MICAL2: variants seen among roughly 807,000 people sequenced by gnomAD.
The protein encoded by MICAL2 is [F-actin]-monooxygenase MICAL2.
A neutral mutation model predicts 127.3 loss-of-function variants in MICAL2; 77 were observed. The ratio of observed to expected loss-of-function variants is 0.60; its 90% CI spans 0.50 to 0.73. The LOEUF is 0.73. Among genes scored for constraint, MICAL2 ranks in the 30% least tolerant of loss-of-function variants. The pLI, the probability that MICAL2 is intolerant of heterozygous loss-of-function variation, is 0.00. For missense variants in MICAL2, 1,351 were observed against 1,434.4 expected (o/e 0.94, Z 0.94); for synonymous variants, 570 against 551.1 (o/e 1.03, Z -0.48).
downstream of MICAL2, among the ~76,000 whole-genome samples, chr11:12,291,441 GC>G (rs1863898436): frequency 6.6e-6 from 1 of 152,088 alleles, no homozygotes; most frequent in Non-Finnish European, 1.5e-5. Context: ...GATGATCTCA[GC>G]CCCCCACAGC....
chr11:12,286,410 CATGA>C (rs773533521), intron 2 of MICAL2, among the ~76,000 whole-genome samples: 5 of 152,176 alleles, frequency 3.3e-5, no homozygotes, highest in Non-Finnish European at 5.9e-5. Context: ...ACTGTTCTGA[CATGA>C]ATGAATATGT....
chr11:12,221,246 G>T (rs1856784032), intron 9 of MICAL2, among the ~76,000 whole-genome samples: 1 of 152,082 alleles, frequency 6.6e-6, no homozygotes, highest in Non-Finnish European at 1.5e-5. Context: ...CTTCCATCAG[G>T]CGCCAGCATT....
chr11:12,352,005 C>G (rs1012008664), intron 33 of MICAL2, among the ~76,000 whole-genome samples: 4 of 152,076 alleles, frequency 2.6e-5, no homozygotes, highest in Admixed American at 2.0e-4. Flanking sequence ...CCAGGCTGGT[C>G]TCGAACTCCT....
chr11:12,230,516 G>A (rs1040795514), intron 15 of MICAL2, among the ~76,000 whole-genome samples: 1 of 152,114 alleles, frequency 6.6e-6, no homozygotes, highest in African/African-American at 2.4e-5. Flanking sequence ...AGGTGCATCC[G>A]TATTTGACCT....
At chr11:12,165,579 C>A (rs1855405695) in intron 3 of MICAL2, among the ~76,000 whole-genome samples, 1 of 152,234 alleles carries the variant, frequency 6.6e-6, no homozygotes, top group South Asian at 2.1e-4. Context: ...TCAGCCAGAA[C>A]CCCGACCTTT....
At chr11:12,303,151 A>AC in intron 29 of MICAL2, among the ~76,000 whole-genome samples, 1 of 152,262 alleles carries the variant, frequency 6.6e-6, no homozygotes, top group South Asian at 2.1e-4. Context: ...ACCAGGTCCC[A>AC]CCCTTGATAC....
intron 21 of MICAL2, 76 bp from the exon 22 acceptor site, chr11:12,249,108 T>C (rs1861172854): frequency 1.3e-6 from 2 of 1,595,050 alleles, no homozygotes; most frequent in African/African-American, 1.3e-5. Flanking sequence ...GTAAAGCTTC[T>C]CTTTCCCCAG....
intron 1 of MICAL2, among the ~76,000 whole-genome samples, chr11:12,132,181 C>T (rs550660644): frequency 1.3e-5 from 2 of 152,300 alleles, no homozygotes; most frequent in East Asian, 1.9e-4. Context: ...TTTTAATGTT[C>T]CTCGCAGTCC....
chr11:12,172,039 A>G lies in MICAL2; in HGVS notation c.264+9620A>G, dbSNP rs117029136. ...CACACATCAAGTGCTTACTAGCCAC[A>G]TGTGGCTAGCGGCTGTCAAATTGGA... On this transcript the variant is annotated intron_variant, in intron 3 of 27. Transcript: ENST00000683283. Among the ~76,000 whole-genome samples, 550 of 152,318 alleles carry G rather than the reference A, an allele frequency of 3.6e-3. 9 individuals are homozygous for G. The East Asian group carries it at 0.077, about 21-fold the overall frequency.
At chr11:12,168,529 A>G (rs180997080) in intron 3 of MICAL2, among the ~76,000 whole-genome samples, 81 of 151,866 alleles carry the variant, frequency 5.3e-4, no homozygotes, top group Non-Finnish European at 6.9e-4. Context: ...CCACACACAC[A>G]CTACACACAT....
intron 3 of MICAL2, among the ~76,000 whole-genome samples, chr11:12,164,863 C>T (rs934742089): frequency 5.9e-5 from 9 of 152,096 alleles, no homozygotes; most frequent in East Asian, 1.9e-4. Flanking sequence ...GGCTGGGCGT[C>T]GCGGCTCACG....
intron 32 of MICAL2, among the ~76,000 whole-genome samples, chr11:12,338,039 A>T (rs564759885): frequency 9.2e-5 from 14 of 152,228 alleles, no homozygotes; most frequent in African/African-American, 3.1e-4. Flanking sequence ...GATCTGTCTA[A>T]TGTTGACAGT....
intron 32 of MICAL2, among the ~76,000 whole-genome samples, chr11:12,335,357 T>A (rs1938729478): frequency 6.6e-6 from 1 of 150,514 alleles, no homozygotes; most frequent in Non-Finnish European, 1.5e-5. Context: ...ATATTAGCCC[T>A]TTGTCAGATG....
chr11:12,250,735 T>TA (rs35461986), intron 22 of MICAL2, among the ~76,000 whole-genome samples: 3 of 152,128 alleles, frequency 2.0e-5, no homozygotes, highest in Admixed American at 1.3e-4. Context: ...TACTAGTTCT[T>TA]AAAAAAACTA....
intron 4 of MICAL2, among the ~76,000 whole-genome samples, chr11:12,207,321 A>G (rs966365419): frequency 6.6e-6 from 1 of 152,246 alleles, no homozygotes; most frequent in Admixed American, 6.5e-5. Context: ...ATAGATGCTC[A>G]ATAAATACTA....
chr11:12,356,471 G>C (rs1939130332), intron 34 of MICAL2, among the ~76,000 whole-genome samples: 1 of 152,174 alleles, frequency 6.6e-6, no homozygotes, highest in African/African-American at 2.4e-5. Context: ...TGACCTTGTG[G>C]TGGCATTAGG....
At chr11:12,233,202 C>T (rs1319551049) in intron 15 of MICAL2, among the ~76,000 whole-genome samples, 1 of 152,204 alleles carries the variant, frequency 6.6e-6, no homozygotes, top group African/African-American at 2.4e-5. Context: ...ACTCTCACAA[C>T]AGCTTATGAA....
chr11:12,155,091 G>A lies in MICAL2; in HGVS notation c.-77-6988G>A, dbSNP rs369043377. ...CCGCTGTCAGTGTCCTCACATGGGC[G>A]GTGCAAGCTGAGGGCTGGGCTTGAA... On this transcript the variant is annotated intron_variant, in intron 2 of 27. Coordinates refer to ENST00000683283, the MANE Select transcript of MICAL2 (RefSeq NM_001282663.2). 5.9e-5 allele frequency among the ~76,000 whole-genome samples: 9 copies of A among 152,218 alleles called. No homozygotes were observed. In the South Asian group the frequency reaches 6.2e-4, roughly 11 times the overall value.
At chr11:12,281,154 C>CT (rs1237800634) in intron 2 of MICAL2, 5 of 398,838 alleles carry the variant, frequency 1.3e-5, no homozygotes, top group Non-Finnish European at 2.2e-5. Context: ...GAACAGAGAC[C>CT]CCCACAGCTG....
Sources: gnomAD v4.1 joint callset for allele counts (sites outside exome capture counted in the v4.1 genomes callset) on GRCh38, gnomAD v4.1.1 for gene constraint, MANE v1.5 for transcripts, NCBI Gene and HGNC (gene_info 2026-07-23, HGNC 2026-07-21) for gene names.